Variants in EPHA7 observed in about 807,000 individuals in gnomAD.
EPHA7 encodes ephrin type-A receptor 7.
A neutral mutation model predicts 112.6 loss-of-function variants in EPHA7; 25 were observed. The observed-to-expected ratio is 0.22, with a 90% CI of 0.16 to 0.31. EPHA7 has a LOEUF of 0.31. EPHA7 is among the 10% of genes least tolerant of loss of function. The pLI is 1.00. For synonymous variants in EPHA7, 437 were observed against 406.5 expected (o/e 1.07, Z -0.90); for missense variants, 962 against 1,212.6 (o/e 0.79, Z 3.07).
At chr6:93,291,788 T>C (rs74644701) in intron 5 of EPHA7, among the ~76,000 whole-genome samples, 2 of 70,998 alleles carry the variant, frequency 2.8e-5, no homozygotes, top group African/African-American at 9.5e-5. Flanking sequence ...AAAAAAAAAA[T>C]ACTTTTCTGG....
rs376825320 is a variant in EPHA7, at chr6:93,290,692, C to G, written c.1325-18270G>C. ...CCATTAGATTATATACAAACTATAACCAAGGTTTGGCAGTAATGTTTGCTT... is the reference window on the plus strand; with the variant it reads ...CCATTAGATTATATACAAACTATAAGCAAGGTTTGGCAGTAATGTTTGCTT... On this transcript the variant is annotated intron_variant, in intron 5 of 16. Transcript: ENST00000369303. 2.0e-5 allele frequency among the ~76,000 whole-genome samples: 3 copies of G among 152,168 alleles called. 1 individual carries two copies. The highest frequency in any genetic ancestry group is 6.5e-5 in the Admixed American group (1 of 15,270).
Position 93,316,586 on chromosome 6 carries a change from C to G in EPHA7, c.1324+40131G>C, listed in dbSNP as rs1423926445. 2.6e-5 allele frequency among the ~76,000 whole-genome samples: 4 copies of G among 152,014 alleles called. No individual in the cohort carries two copies. The East Asian group carries it at 5.8e-4, about 22-fold the overall frequency. ...AATATATACTCTTCTGAGTATCTAC[C>G]TATCAGATACAAACTGCTTATCTGA... On this transcript the variant is annotated intron_variant, in intron 5 of 16. Transcript: ENST00000369303.
intron 3 of EPHA7, among the ~76,000 whole-genome samples, chr6:93,359,103 T>C (rs1286500451): frequency 2.6e-5 from 4 of 152,028 alleles, no homozygotes; most frequent in Non-Finnish European, 5.9e-5. Flanking sequence ...CAACGGCAAG[T>C]AGATTATGGC....
At chr6:93,398,554 C>A in intron 3 of EPHA7, among the ~76,000 whole-genome samples, 1 of 151,164 alleles carries the variant, frequency 6.6e-6, no homozygotes. Context: ...CATTTAATGC[C>A]AGTGTCTAAA....
At chr6:93,364,942 G>C (rs1176048261) in intron 3 of EPHA7, among the ~76,000 whole-genome samples, 1 of 152,068 alleles carries the variant, frequency 6.6e-6, no homozygotes, top group Non-Finnish European at 1.5e-5. Flanking sequence ...ATTTAGAGGA[G>C]ATTTTTGATA....
chr6:93,337,474 T>C (rs995021513), intron 5 of EPHA7, among the ~76,000 whole-genome samples: 39 of 152,256 alleles, frequency 2.6e-4, no homozygotes, highest in African/African-American at 9.1e-4. Context: ...AGTTTGGGCA[T>C]TGTGCTGTAT....
intron 5 of EPHA7, among the ~76,000 whole-genome samples, chr6:93,315,053 G>C (rs934365743): frequency 1.9e-4 from 27 of 145,816 alleles, no homozygotes; most frequent in South Asian, 6.6e-4. Context: ...TAGTAGAGAC[G>C]GGGTTTCACC....
Position 93,240,139 on chromosome 6 carries a change from A to T in EPHA7, c.*3287T>A, listed in dbSNP as rs889028812. ...TACATTGAAGACACTGTTCAAAAGC[A>T]GTTTGTCCTTATAAAAGGATGACCC... On this transcript the variant is annotated 3_prime_UTR_variant, in exon 17 of 17. Coordinates refer to ENST00000369303, the MANE Select transcript of EPHA7 (RefSeq NM_004440.4). 1 of 224,636 alleles carries T rather than the reference A, an allele frequency of 4.5e-6. No homozygotes were observed. Among genetic ancestry groups the T allele is most frequent in the African/African-American group, 2.2e-5 (1 of 44,878 alleles). 13.9% of individuals were successfully genotyped at this position (224,636 alleles called of 1,614,324 possible).
At chr6:93,264,456 T>C (rs754954342) in intron 8 of EPHA7, 138 bp downstream of exon 8, 1 of 503,494 alleles carries the variant, frequency 2.0e-6, no homozygotes, top group Non-Finnish European at 3.5e-6. Flanking sequence ...GAATGACACA[T>C]TATTGACCTT....
chr6:93,404,644 T>C (rs1024137945), intron 3 of EPHA7, among the ~76,000 whole-genome samples: 2 of 146,248 alleles, frequency 1.4e-5, no homozygotes, highest in African/African-American at 2.5e-5. Context: ...TATACACACA[T>C]GTTTAGAGAG....
At chr6:93,366,289 C>T (rs1260397315) in intron 3 of EPHA7, among the ~76,000 whole-genome samples, 1 of 152,158 alleles carries the variant, frequency 6.6e-6, no homozygotes, top group Non-Finnish European at 1.5e-5. Context: ...CAAATACACT[C>T]CACCATTTAC....
chr6:93,362,211 C>A (rs1315153293), intron 3 of EPHA7, among the ~76,000 whole-genome samples: 1 of 151,884 alleles, frequency 6.6e-6, no homozygotes, highest in Non-Finnish European at 1.5e-5. Context: ...TCTTTAAATG[C>A]AAAACCACCA....
At chr6:93,334,186 G>A (rs139067268) in intron 5 of EPHA7, among the ~76,000 whole-genome samples, 10 of 151,888 alleles carry the variant, frequency 6.6e-5, no homozygotes, top group African/African-American at 2.2e-4. Flanking sequence ...AATGGTGCTC[G>A]AATAACTGAT....
At chr6:93,387,772 T>A (rs190497048) in intron 3 of EPHA7, among the ~76,000 whole-genome samples, 1 of 152,096 alleles carries the variant, frequency 6.6e-6, no homozygotes, top group South Asian at 2.1e-4. Flanking sequence ...CCATCAGATC[T>A]CATAAGAACT....
At chr6:93,289,773 G>A in intron 5 of EPHA7, among the ~76,000 whole-genome samples, 1 of 152,154 alleles carries the variant, frequency 6.6e-6, no homozygotes, top group Non-Finnish European at 1.5e-5. Flanking sequence ...GGAATTTGGA[G>A]ATTAAGTAGG....
intron 1 of EPHA7, among the ~76,000 whole-genome samples, chr6:93,417,606 C>T (rs1779304376): frequency 6.6e-6 from 1 of 152,218 alleles, no homozygotes; most frequent in Admixed American, 6.5e-5. Context: ...CAGCCCGAGT[C>T]TGCGTGTGTT....
At chr6:93,285,726 C>A (rs565967907) in intron 5 of EPHA7, among the ~76,000 whole-genome samples, 53 of 152,308 alleles carry the variant, frequency 3.5e-4, no homozygotes, top group African/African-American at 1.2e-3. Context: ...CTGTCTCCTT[C>A]TCTTGCCACA....
chr6:93,274,955 G>A (rs577246125), intron 5 of EPHA7, among the ~76,000 whole-genome samples: 1 of 151,892 alleles, frequency 6.6e-6, no homozygotes, highest in East Asian at 1.9e-4. Context: ...AGTGGCATAA[G>A]GTATGTTAAT....
At position 93,334,233 on chromosome 6, in the gene EPHA7, G is replaced by A. The variant is rs540126739; in HGVS notation, c.1324+22484C>T. Among the ~76,000 whole-genome samples the A allele has an allele frequency of 3.3e-5, 5 of 151,864 alleles. No individual in the cohort carries two copies. In the South Asian group the frequency reaches 6.2e-4, roughly 19 times the overall value. ...TGAAGCTGGACCCCCTCCTTACACCGTATACGGAAATAAACTCAATATGGA... is the reference window on the plus strand; with the variant it reads ...TGAAGCTGGACCCCCTCCTTACACCATATACGGAAATAAACTCAATATGGA... On this transcript the variant is annotated intron_variant, in intron 5 of 16. Coordinates refer to ENST00000369303, the MANE Select transcript of EPHA7 (RefSeq NM_004440.4).
Sources: allele counts gnomAD v4.1 joint callset (sites outside exome capture counted in the v4.1 genomes callset), GRCh38; gene constraint gnomAD v4.1.1; transcripts MANE v1.5; gene names NCBI Gene and HGNC (gene_info 2026-07-23, HGNC 2026-07-21).